SNTG2: variants seen among roughly 807,000 people sequenced by gnomAD.
SNTG2 encodes gamma-2-syntrophin.
In SNTG2, 74 loss-of-function variants were observed where a neutral mutation model predicts 70.9. The ratio of observed to expected loss-of-function variants is 1.04; its 90% CI spans 0.86 to 1.27. SNTG2 has a LOEUF of 1.27. SNTG2 is among the 50% of genes most tolerant of loss of function. The pLI, the probability that SNTG2 is intolerant of heterozygous loss-of-function variation, is 0.00. For synonymous variants in SNTG2, 278 were observed against 273.8 expected, an observed-to-expected ratio of 1.02 and a Z score of -0.15; for missense variants, 717 against 690.7, an observed-to-expected ratio of 1.04 and a Z score of -0.43.
chr2:1,350,118 C>G lies in SNTG2; in HGVS notation c.1489-17225C>G, dbSNP rs1442309871. Among the ~76,000 whole-genome samples the G allele has an allele frequency of 4.6e-5, 7 of 152,034 alleles. No individual in the cohort carries two copies. The East Asian group carries it at 1.2e-3, about 25-fold the overall frequency. On this transcript the variant is annotated intron_variant, in intron 16 of 16. Coordinates refer to ENST00000308624, the MANE Select transcript of SNTG2 (RefSeq NM_018968.4). ...CAGTCTCCTGGCCTTGCTATCACCC[C>G]CCCAGTGCCTTCTACATTTCAGACA...
chr2:1,060,110 C>T (rs1464914329), intron 1 of SNTG2, among the ~76,000 whole-genome samples: 1 of 152,042 alleles, frequency 6.6e-6, no homozygotes, highest in African/African-American at 2.4e-5. Flanking sequence ...TACCTGCAGG[C>T]CTTAGTGTAG....
At chr2:1,238,577 A>C (rs1676837165) in intron 10 of SNTG2, among the ~76,000 whole-genome samples, 1 of 152,206 alleles carries the variant, frequency 6.6e-6, no homozygotes, top group African/African-American at 2.4e-5. Flanking sequence ...AGAAATGAAA[A>C]GAGATGGGGT....
chr2:1,304,964 A>G (rs1465215573), intron 14 of SNTG2, among the ~76,000 whole-genome samples: 1 of 151,586 alleles, frequency 6.6e-6, no homozygotes, highest in Non-Finnish European at 1.5e-5. Flanking sequence ...TTCTAAAACT[A>G]TTTTATGTTT....
intron 8 of SNTG2, among the ~76,000 whole-genome samples, chr2:1,181,221 A>C (rs1346746013): frequency 1.5e-5 from 1 of 67,506 alleles, no homozygotes; most frequent in Admixed American, 2.0e-4. Context: ...GTATAATAAT[A>C]ATAAAATAAA....
intron 1 of SNTG2, among the ~76,000 whole-genome samples, chr2:1,010,412 C>T (rs913574924): frequency 5.9e-5 from 9 of 152,092 alleles, no homozygotes; most frequent in Admixed American, 2.0e-4. Context: ...AAGGAGACCC[C>T]GACAATCAGC....
chr2:1,255,970 A>T (rs905286865), intron 12 of SNTG2, among the ~76,000 whole-genome samples: 1 of 145,430 alleles, frequency 6.9e-6, no homozygotes, highest in South Asian at 2.1e-4. Flanking sequence ...GTTAATACAC[A>T]TACGTATGTA....
intron 9 of SNTG2, among the ~76,000 whole-genome samples, chr2:1,223,950 G>A (rs1331507165): frequency 6.6e-6 from 1 of 152,060 alleles, no homozygotes; most frequent in African/African-American, 2.4e-5. Flanking sequence ...CAGATGGGTG[G>A]CCTTATGCAG....
chr2:1,127,548 A>G (rs539742721), intron 4 of SNTG2, among the ~76,000 whole-genome samples: 129 of 152,208 alleles, frequency 8.5e-4, no homozygotes, highest in Non-Finnish European at 1.3e-3. Context: ...TTTGGGGAGT[A>G]TGTTCATATT....
At chr2:1,143,569 G>C (rs763745279) in intron 6 of SNTG2, among the ~76,000 whole-genome samples, 1 of 151,600 alleles carries the variant, frequency 6.6e-6, no homozygotes, top group Non-Finnish European at 1.5e-5. Context: ...AGAGTCTGCC[G>C]TCGAAAATAT....
chr2:1,132,244 T>TACACACACAC, intron 4 of SNTG2, among the ~76,000 whole-genome samples: 1 of 150,950 alleles, frequency 6.6e-6, no homozygotes, highest in South Asian at 2.1e-4. Context: ...TGTGTATATA[T>TACACACACAC]ATACACACAC....
chr2:1,291,693 C>T (rs750631618), intron 14 of SNTG2, among the ~76,000 whole-genome samples: 3 of 152,172 alleles, frequency 2.0e-5, no homozygotes, highest in Admixed American at 1.3e-4. Context: ...CTGTTCTGTT[C>T]CATTGATCTA....
At chr2:1,255,854 A>ATT (rs1678042733) in intron 12 of SNTG2, among the ~76,000 whole-genome samples, 1 of 36,908 alleles carries the variant, frequency 2.7e-5, no homozygotes, top group African/African-American at 1.4e-4. Context: ...ATATATATAA[A>ATT]TATATATAAA....
chr2:1,023,798 G>A (rs1660328065), intron 1 of SNTG2, among the ~76,000 whole-genome samples: 1 of 152,214 alleles, frequency 6.6e-6, no homozygotes, highest in South Asian at 2.1e-4. Context: ...TGCAAGGAGA[G>A]TTGTGTGTGT....
chr2:1,233,143 T>C (rs991003192), intron 9 of SNTG2, among the ~76,000 whole-genome samples: 5 of 152,218 alleles, frequency 3.3e-5, no homozygotes, highest in Non-Finnish European at 5.9e-5. Flanking sequence ...AAAAAGGCGA[T>C]TTACACATTT....
rs1665440140 is a variant in SNTG2 at position 1,097,079 on chromosome 2, T to TA, written c.211-1114dup. On this transcript the variant is annotated intron_variant, in intron 2 of 16. Transcript: ENST00000308624. This position sits in a 1 kb window ranked among gnomAD's most constrained non-coding sequence, Gnocchi z 4.1. ...GGATCGAAATGGTAAAATTTCCAATTAAAGTATTATTTGCTGTGTCCCCAT... is the reference window on the plus strand; with the variant it reads ...GGATCGAAATGGTAAAATTTCCAATTAAAAGTATTATTTGCTGTGTCCCCAT... Among the ~76,000 whole-genome samples, 2 of 152,244 alleles carry TA rather than the reference T, an allele frequency of 1.3e-5. No individual in the cohort carries two copies. The highest frequency in any genetic ancestry group is 4.1e-4 in the South Asian group (2 of 4,834).
chr2:1,235,559 C>T (rs1271152974), intron 9 of SNTG2, among the ~76,000 whole-genome samples: 1 of 86,348 alleles, frequency 1.2e-5, no homozygotes, highest in Non-Finnish European at 2.3e-5. Context: ...CCCCACCAGG[C>T]ACCCCCGATT....
intron 14 of SNTG2, among the ~76,000 whole-genome samples, chr2:1,299,392 C>T (rs1224155595): frequency 6.6e-6 from 1 of 152,190 alleles, no homozygotes; most frequent in Non-Finnish European, 1.5e-5. Flanking sequence ...AAGGTGGATC[C>T]TTCCTGCCTC....
intron 6 of SNTG2, among the ~76,000 whole-genome samples, chr2:1,141,250 GT>G (rs1410829085): frequency 6.6e-6 from 1 of 152,180 alleles, no homozygotes; most frequent in Non-Finnish European, 1.5e-5. Flanking sequence ...ATGTGTTATG[GT>G]TAATACTGAA....
At chr2:1,025,349 T>C (rs966492147) in intron 1 of SNTG2, among the ~76,000 whole-genome samples, 3 of 152,292 alleles carry the variant, frequency 2.0e-5, no homozygotes, top group East Asian at 3.9e-4. Flanking sequence ...CAGGGACTTC[T>C]GCATGCAGGA....
Sources: allele counts gnomAD v4.1 joint callset (sites outside exome capture counted in the v4.1 genomes callset), GRCh38; gene constraint gnomAD v4.1.1; non-coding constraint Gnocchi (gnomAD v3.1); transcripts MANE v1.5; gene names NCBI Gene and HGNC (gene_info 2026-07-23, HGNC 2026-07-21).